Variants in CNBD1 observed in about 807,000 individuals in gnomAD.
CNBD1 encodes cyclic nucleotide binding domain containing 1, also known as cyclic nucleotide-binding domain-containing protein 1.
A neutral mutation model predicts 54.4 loss-of-function variants in CNBD1; 71 were observed. The ratio of observed to expected loss-of-function variants is 1.30; its 90% CI spans 1.08 to 1.59. The LOEUF is 1.59. CNBD1 is among the 40% of genes most tolerant of loss of function. The pLI is 0.00. For missense variants in CNBD1, 659 were observed against 518.0 expected (o/e 1.27, Z -2.64); for synonymous variants, 182 against 170.7 (o/e 1.07, Z -0.51).
At chr8:87,208,392 TATTA>T (rs1190331070) in intron 5 of CNBD1, among the ~76,000 whole-genome samples, 1 of 151,902 alleles carries the variant, frequency 6.6e-6, no homozygotes, top group African/African-American at 2.4e-5. Context: ...TATATTATTA[TATTA>T]TTTACTGACT....
intron 4 of CNBD1, among the ~76,000 whole-genome samples, chr8:87,000,588 T>C (rs1808970865): frequency 6.6e-6 from 1 of 152,090 alleles, no homozygotes; most frequent in Admixed American, 6.6e-5. Flanking sequence ...AAGATAACAC[T>C]AAAAAAAGCA....
chr8:87,270,641 C>T (rs1437175694), intron 6 of CNBD1, among the ~76,000 whole-genome samples: 5 of 151,904 alleles, frequency 3.3e-5, no homozygotes, highest in African/African-American at 1.2e-4. Context: ...ATAAATCATC[C>T]TATTTGCATT....
intron 4 of CNBD1, among the ~76,000 whole-genome samples, chr8:87,088,113 T>G (rs1673419139): frequency 6.6e-6 from 1 of 152,160 alleles, no homozygotes; most frequent in South Asian, 2.1e-4. Flanking sequence ...TGTATGTGTG[T>G]CTGCTTATGA....
At position 86,993,387 on chromosome 8, in the gene CNBD1, G is replaced by T. The variant is rs75129293; in HGVS notation, c.431+53633G>T. ...ATTGTTTTACTAGAGTCCTGGGATT[G>T]GGTTTCAACTTTCTCTTGAATCTCA... On this transcript the variant is annotated intron_variant, in intron 4 of 10. Transcript: ENST00000518476. Among the ~76,000 whole-genome samples the T allele has an allele frequency of 8.8e-3, 1,343 of 152,000 alleles. 15 individuals carry two copies. Among genetic ancestry groups the T allele is most frequent in the African/African-American group, 0.03 (1,234 of 41,452 alleles).
chr8:86,895,485 G>C (rs541848520), intron 2 of CNBD1, among the ~76,000 whole-genome samples: 32 of 152,272 alleles, frequency 2.1e-4, no homozygotes, highest in African/African-American at 7.7e-4. Context: ...CATGCTTGCT[G>C]AATCATATGA....
rs1009702614 is a variant in CNBD1 at position 87,425,499 on chromosome 8, T to C, written c.214-3047T>C. 6.9e-4 allele frequency among the ~76,000 whole-genome samples: 105 copies of C among 152,310 alleles called. 1 individual carries two copies. The highest frequency in any genetic ancestry group is 2.5e-3 in the African/African-American group (103 of 41,550). On this transcript the variant is annotated intron_variant, in intron 2 of 7. Transcript: ENST00000521593. The stretch of plus-strand genomic sequence containing the variant: ...TGGTGACGTACAGATGGGTTTTTGG[T>C]GTGGATGTCCTTTCTGTTTGTTAGT...
chr8:87,298,548 A>G (rs908271756), intron 8 of CNBD1, among the ~76,000 whole-genome samples: 6 of 145,774 alleles, frequency 4.1e-5, no homozygotes, highest in Non-Finnish European at 7.5e-5. Flanking sequence ...ACAGTGGAGC[A>G]ATCTTGGCTC....
intron 5 of CNBD1, 29 bp from the exon 6 acceptor site, chr8:87,236,890 T>C (rs776360066): frequency 1.4e-6 from 2 of 1,452,630 alleles, no homozygotes; most frequent in Non-Finnish European, 1.9e-6. Context: ...GAGCACACAG[T>C]ATATATTTTT....
At chr8:86,977,537 A>G (rs1053003382) in intron 4 of CNBD1, among the ~76,000 whole-genome samples, 1 of 152,130 alleles carries the variant, frequency 6.6e-6, no homozygotes, top group African/African-American at 2.4e-5. Context: ...GAAATCAAAG[A>G]GGAGACATTA....
intron 8 of CNBD1, among the ~76,000 whole-genome samples, chr8:87,302,750 C>T (rs1276236252): frequency 6.6e-6 from 1 of 151,856 alleles, no homozygotes; most frequent in Admixed American, 6.6e-5. Flanking sequence ...TCATCTCAGC[C>T]CAAAATCTCC....
At chr8:86,950,697 G>A (rs1018396459) in intron 4 of CNBD1, among the ~76,000 whole-genome samples, 1 of 152,104 alleles carries the variant, frequency 6.6e-6, no homozygotes, top group Admixed American at 6.5e-5. Context: ...CTGTTTTTCA[G>A]AATAGTTTGA....
At chr8:86,972,365 G>A (rs1047865330) in intron 4 of CNBD1, among the ~76,000 whole-genome samples, 1 of 152,096 alleles carries the variant, frequency 6.6e-6, no homozygotes, top group Non-Finnish European at 1.5e-5. Flanking sequence ...TGTGATGTAG[G>A]CTCTTGGTTT....
chr8:86,929,396 G>T (rs973285826), intron 3 of CNBD1, among the ~76,000 whole-genome samples: 5 of 152,182 alleles, frequency 3.3e-5, no homozygotes, highest in South Asian at 2.1e-4. Context: ...ACTGGGCGCT[G>T]GTCCCTGGGG....
intron 8 of CNBD1, among the ~76,000 whole-genome samples, chr8:87,318,841 G>C (rs1342051107): frequency 3.3e-5 from 5 of 152,006 alleles, no homozygotes; most frequent in Non-Finnish European, 7.4e-5. Context: ...TAAGTGATAT[G>C]AATCACACCT....
At chr8:87,034,805 A>T (rs1489787269) in intron 4 of CNBD1, among the ~76,000 whole-genome samples, 2 of 152,160 alleles carry the variant, frequency 1.3e-5, no homozygotes, top group East Asian at 1.9e-4. Context: ...TTTAAAACTC[A>T]TGTACAAGTG....
intron 4 of CNBD1, among the ~76,000 whole-genome samples, chr8:86,991,229 G>A (rs1367451524): frequency 3.3e-5 from 5 of 152,108 alleles, no homozygotes; most frequent in Admixed American, 1.3e-4. Context: ...AATGACAGTG[G>A]TGAAAGTGGG....
intron 4 of CNBD1, among the ~76,000 whole-genome samples, chr8:87,078,994 T>C (rs1303414732): frequency 6.6e-6 from 1 of 152,144 alleles, no homozygotes; most frequent in Admixed American, 6.5e-5. Context: ...AAAGTTTCAT[T>C]ATGCCCATAG....
At chr8:86,930,174 C>T (rs757856573) in intron 3 of CNBD1, among the ~76,000 whole-genome samples, 6 of 152,280 alleles carry the variant, frequency 3.9e-5, no homozygotes, top group South Asian at 2.1e-4. Context: ...AAAGAACCCC[C>T]GCAACTGTTT....
chr8:87,332,263 G>C (rs189069894), intron 8 of CNBD1, among the ~76,000 whole-genome samples: 3 of 151,786 alleles, frequency 2.0e-5, no homozygotes, highest in African/African-American at 7.3e-5. Flanking sequence ...CAGGAGAATC[G>C]CTTGAACGCA....
Sources: allele counts gnomAD v4.1 joint callset (sites outside exome capture counted in the v4.1 genomes callset), GRCh38; gene constraint gnomAD v4.1.1; transcripts MANE v1.5; gene names NCBI Gene and HGNC (gene_info 2026-07-23, HGNC 2026-07-21).